CHRM2: variants seen among roughly 807,000 people sequenced by gnomAD.
The protein encoded by CHRM2 is cholinergic receptor muscarinic 2, also known as muscarinic acetylcholine receptor M2.
Under a neutral mutation model 25.0 loss-of-function variants are expected in CHRM2, and 8 were observed. That is an observed-to-expected ratio of 0.32 (90% confidence interval 0.19 to 0.58). CHRM2 has a LOEUF of 0.58. CHRM2 is among the 20% of genes least tolerant of loss of function. The pLI is 0.88. For synonymous variants in CHRM2, 202 were observed against 205.7 expected (o/e 0.98, Z 0.15); for missense variants, 440 against 567.1 (o/e 0.78, Z 2.28).
chr7:136,911,806 T>G (rs1797856402), intron 2 of CHRM2, among the ~76,000 whole-genome samples: 1 of 151,982 alleles, frequency 6.6e-6, no homozygotes, highest in Non-Finnish European at 1.5e-5. Flanking sequence ...GATATTTTTA[T>G]AAATGTGGAT....
At chr7:136,969,315 T>C (rs1801615093) in intron 2 of CHRM2, among the ~76,000 whole-genome samples, 1 of 152,180 alleles carries the variant, frequency 6.6e-6, no homozygotes, top group Non-Finnish European at 1.5e-5. Context: ...TTGGGTTCCA[T>C]ATATTCTATC....
chr7:136,928,873 T>A (rs773101807), intron 2 of CHRM2, among the ~76,000 whole-genome samples: 2 of 152,264 alleles, frequency 1.3e-5, no homozygotes, highest in Middle Eastern at 3.4e-3. Flanking sequence ...TTATGTAACT[T>A]GAGATGCAAA....
chr7:136,892,427 A>G (rs1026994961), intron 2 of CHRM2, among the ~76,000 whole-genome samples: 1 of 152,106 alleles, frequency 6.6e-6, no homozygotes, highest in Non-Finnish European at 1.5e-5. Context: ...ATCTAGATAG[A>G]TAGTGCAAAC....
At chr7:136,920,477 C>A (rs532135249) in intron 2 of CHRM2, among the ~76,000 whole-genome samples, 1 of 152,112 alleles carries the variant, frequency 6.6e-6, no homozygotes. Flanking sequence ...TGAATTTATA[C>A]TGACCACATT....
At chr7:136,908,836 A>G (rs140835769) in intron 2 of CHRM2, among the ~76,000 whole-genome samples, 19 of 152,102 alleles carry the variant, frequency 1.2e-4, no homozygotes, top group African/African-American at 4.6e-4. Context: ...AAGAGATGAA[A>G]TAAGTATTAG....
At chr7:136,883,948 C>T (rs987398105) in intron 2 of CHRM2, among the ~76,000 whole-genome samples, 2 of 152,094 alleles carry the variant, frequency 1.3e-5, no homozygotes, top group East Asian at 3.9e-4. Flanking sequence ...TTCTTGCTTT[C>T]CAGATATTCT....
At chr7:136,981,692 A>G (rs545320625) in intron 2 of CHRM2, among the ~76,000 whole-genome samples, 1 of 152,104 alleles carries the variant, frequency 6.6e-6, no homozygotes, top group Non-Finnish European at 1.5e-5. Context: ...TTTCTACCTT[A>G]ATTTCGCTAT....
At chr7:136,996,016 C>A (rs995610748) in intron 3 of CHRM2, among the ~76,000 whole-genome samples, 18 of 151,878 alleles carry the variant, frequency 1.2e-4, no homozygotes, top group Non-Finnish European at 2.4e-4. Flanking sequence ...AGAAACAGAA[C>A]TCAGTGTATG....
intron 2 of CHRM2, among the ~76,000 whole-genome samples, chr7:136,906,529 A>C (rs1797561403): frequency 6.6e-6 from 1 of 151,668 alleles, no homozygotes; most frequent in Admixed American, 6.6e-5. Flanking sequence ...TATACTGTAG[A>C]ATTATTACTT....
At chr7:137,006,758 T>TC (rs1554435361) in intron 3 of CHRM2, among the ~76,000 whole-genome samples, 1 of 152,044 alleles carries the variant, frequency 6.6e-6, no homozygotes, top group Non-Finnish European at 1.5e-5. Context: ...GGCCTTTTTT[T>TC]TCCCCCAAAA....
intron 2 of CHRM2, chr7:136,938,234 T>A (rs1010890355): frequency 1.3e-6 from 1 of 785,818 alleles, no homozygotes; most frequent in Admixed American, 1.7e-5. Flanking sequence ...TGTTACTGAA[T>A]CTTTAGCTAA....
intron 2 of CHRM2, among the ~76,000 whole-genome samples, chr7:136,885,416 T>A (rs17494770): frequency 0.14 from 21,038 of 152,190 alleles, 1,753 homozygotes; most frequent in Middle Eastern, 0.2. Context: ...TTGTCCATAT[T>A]TAAAACTGAG....
chr7:137,003,923 G>C (rs752916483), intron 3 of CHRM2, among the ~76,000 whole-genome samples: 1 of 151,970 alleles, frequency 6.6e-6, no homozygotes, highest in Non-Finnish European at 1.5e-5. Context: ...CCTTTTGCTC[G>C]GCACTTCTCT....
At chr7:136,987,543 C>G (rs1311238710) in intron 2 of CHRM2, among the ~76,000 whole-genome samples, 1 of 152,218 alleles carries the variant, frequency 6.6e-6, no homozygotes, top group East Asian at 1.9e-4. Flanking sequence ...CCAGTGTTTA[C>G]TTAACATGGT....
At chr7:136,886,684 T>C (rs943830204) in intron 2 of CHRM2, among the ~76,000 whole-genome samples, 2 of 151,674 alleles carry the variant, frequency 1.3e-5, no homozygotes, top group East Asian at 1.9e-4. Context: ...CTGGGCAACA[T>C]AGGAAAACTC....
chr7:136,952,965 A>G (rs978245119), intron 2 of CHRM2, among the ~76,000 whole-genome samples: 5 of 152,166 alleles, frequency 3.3e-5, no homozygotes, highest in Admixed American at 3.3e-4. Flanking sequence ...CATTTTCTTT[A>G]TTCAGTCTAT....
chr7:136,907,176 C>A (rs938160688), intron 2 of CHRM2, among the ~76,000 whole-genome samples: 1 of 151,912 alleles, frequency 6.6e-6, no homozygotes, highest in East Asian at 1.9e-4. Context: ...CGCTTGCTGT[C>A]ACTCACCTAC....
chr7:137,017,434 C>A lies in CHRM2; in HGVS notation c.*1168C>A, dbSNP rs1391666313. On this transcript the variant is annotated 3_prime_UTR_variant, in exon 4 of 4. Coordinates refer to ENST00000680005, the MANE Select transcript of CHRM2 (RefSeq NM_001006630.2). The stretch of plus-strand genomic sequence containing the variant: ...AAACAGGATTAACATACTCACATAG[C>A]ACCAGTGATTTCTGGGCCAGTCCCT... The A allele has an allele frequency of 6.6e-6, 1 of 151,926 alleles. No homozygotes were observed. The highest frequency in any genetic ancestry group is 1.5e-5 in the Non-Finnish European group (1 of 67,928). The allele number at this position is 151,926 out of a possible 1,614,324, so 9.4% of individuals were successfully genotyped here.
At chr7:137,007,635 C>T (rs1804532508) in intron 3 of CHRM2, among the ~76,000 whole-genome samples, 1 of 152,100 alleles carries the variant, frequency 6.6e-6, no homozygotes, top group Non-Finnish European at 1.5e-5. Flanking sequence ...GTTGTCAAAG[C>T]ACTCAGACTG....
Sources: gnomAD v4.1 joint callset for allele counts (sites outside exome capture counted in the v4.1 genomes callset) on GRCh38, gnomAD v4.1.1 for gene constraint, MANE v1.5 for transcripts, NCBI Gene and HGNC (gene_info 2026-07-23, HGNC 2026-07-21) for gene names.